The following SORBS3 variants were observed in gnomAD, a reference collection of about 807,000 sequenced individuals.
The protein encoded by SORBS3 is sorbin and SH3 domain containing 3, also known as vinexin.
In SORBS3, 69 loss-of-function variants were observed where a neutral mutation model predicts 98.0. That is an observed-to-expected ratio of 0.70 (90% CI 0.58 to 0.86). The LOEUF (loss-of-function observed/expected upper bound fraction) is 0.86, where lower values mean the gene tolerates loss of function less well. Among genes scored for constraint, SORBS3 ranks in the 40% least tolerant of loss-of-function variants. The pLI is 0.00. For missense variants in SORBS3, 954 were observed against 908.5 expected (o/e 1.05, Z -0.64); for synonymous variants, 394 against 355.4 (o/e 1.11, Z -1.22).
rs543634212 is a variant in SORBS3, at chr8:22,561,432, T to C, written c.517+59T>C. On this transcript the variant is annotated intron_variant, in intron 6 of 20. Coordinates refer to ENST00000240123, the MANE Select transcript of SORBS3 (RefSeq NM_005775.5). The stretch of plus-strand genomic sequence containing the variant: ...CCCTGCGCCTGCGTCCGCCCCTCCC[T>C]GGGGCTGGGACTCGCAGCCCCGCCT... 1.1e-5 allele frequency: 18 copies of C among 1,589,562 alleles called. No individual in the cohort carries two copies. In the East Asian group the frequency reaches 4.0e-4, roughly 36 times the overall value.
chr8:22,565,603 G>A, intron 11 of SORBS3: 2 of 827,192 alleles, frequency 2.4e-6, no homozygotes, highest in East Asian at 3.7e-5. Context: ...CCCGACGACC[G>A]GGCGCCCGCC....
rs749652258 is a variant in SORBS3, at chr8:22,569,302, G to C, written c.1431+29G>C. 8.4e-6 allele frequency: 13 copies of C among 1,550,604 alleles called. No individual in the cohort carries two copies. In the South Asian group the frequency reaches 1.3e-4, roughly 16 times the overall value. ...GGCCAGGCCGGAGACGGAGGGGTGG[G>C]TGGGGGCAGGTGAAGATGTAGGTAA... On this transcript the variant is annotated intron_variant, in intron 17 of 20. Coordinates refer to ENST00000240123, the MANE Select transcript of SORBS3 (RefSeq NM_005775.5).
Position 22,556,712 on chromosome 8 carries a change from C to T in SORBS3, c.221-3C>T. ...CTAATGCTCTCCTGCACGCACCCAA[C>T]AGACCCTGCGTGGTATCAGACCTGG... On this transcript the variant is annotated splice_polypyrimidine_tract_variant and splice_region_variant and intron_variant, in intron 3 of 20. Transcript: ENST00000240123. 1 of 1,613,618 alleles carries T rather than the reference C, an allele frequency of 6.2e-7. No individual in the cohort carries two copies. Among genetic ancestry groups the T allele is most frequent in the East Asian group, 2.2e-5 (1 of 44,882 alleles).
At chr8:22,552,150 C>G in intron 1 of SORBS3, 128 bp downstream of exon 1, 1 of 803,322 alleles carries the variant, frequency 1.2e-6, no homozygotes, top group Non-Finnish European at 1.5e-6. Context: ...TACCTCCCAC[C>G]AGCCCTCATA....
At position 22,554,678 on chromosome 8, in the gene SORBS3, G is replaced by C. The variant is rs1019815407; in HGVS notation, c.102+70G>C. The C allele has an allele frequency of 1.3e-6, 2 of 1,494,506 alleles. No homozygotes were observed. Among genetic ancestry groups the C allele is most frequent in the Admixed American group, 2.0e-5 (1 of 49,850 alleles). The allele number at this position is 1,494,506 out of a possible 1,614,324, so 92.6% of individuals were successfully genotyped here. On this transcript the variant is annotated intron_variant, in intron 2 of 20. Transcript: ENST00000240123. This position sits in a 1 kb window ranked among gnomAD's most constrained non-coding sequence, Gnocchi z 6.5. ...TGGTTGGGACGCTAGCAGGTCAGGTGGGGGCAGGAGGATGAAAGGGATGGA... is the reference window on the plus strand; with the variant it reads ...TGGTTGGGACGCTAGCAGGTCAGGTCGGGGCAGGAGGATGAAAGGGATGGA...
chr8:22,566,321 G>A (rs767765299), intron 12 of SORBS3, 24 bp from the exon 13 acceptor site: 1 of 1,608,968 alleles, frequency 6.2e-7, no homozygotes, highest in African/African-American at 1.3e-5. Flanking sequence ...CAGGCTGGAG[G>A]CTCAGTCTCT....
chr8:22,565,998 G>C (rs1840406810), intron 12 of SORBS3, 126 bp downstream of exon 12: 1 of 680,248 alleles, frequency 1.5e-6, no homozygotes, highest in African/African-American at 1.9e-5. Context: ...GAACCGCAGA[G>C]CCGTGTCCGG....
chr8:22,547,369 TG>T (rs1378550810), upstream of SORBS3, among the ~76,000 whole-genome samples: 1 of 151,636 alleles, frequency 6.6e-6, no homozygotes, highest in African/African-American at 2.4e-5. Context: ...AGAAAGAAAA[TG>T]TAATTTTGAT....
At chr8:22,564,664 C>A in intron 10 of SORBS3, 143 bp downstream of exon 10, 1 of 1,375,268 alleles carries the variant, frequency 7.3e-7, no homozygotes, top group Non-Finnish European at 9.8e-7. Context: ...AATGCCAGCA[C>A]TCAGGACAGT....
Position 22,566,452 on chromosome 8 carries a change from G to C in SORBS3, c.1058G>C (p.Arg353Pro). The change falls in exon 13 of 21, where the codon CGG becomes CCG. Residue 353 changes from arginine (R) to proline (P), a missense_variant. Coordinates refer to ENST00000240123, the MANE Select transcript of SORBS3 (RefSeq NM_005775.5). The stretch of plus-strand genomic sequence containing the variant: ...GATGGAGGAAGCCCCTTCCTAGGTC[G>C]GAGGGACTTTGTCTACCCTTCCTCA... ...MADGGSPFLG[R>P]RDFVYPSSTR... 6.2e-7 allele frequency: 1 copy of C among 1,613,958 alleles called. No homozygotes were observed. Among genetic ancestry groups the C allele is most frequent in the Non-Finnish European group, 8.5e-7 (1 of 1,179,938 alleles).
rs779961365 is a variant in SORBS3 at position 22,554,880 on chromosome 8, T to C, written c.120T>C (p.Asn40=). ...CCCCGCAGGTGCCCGTGATCCGGAATGGTGGCTCCAACACCCTTAATTTCC... is the reference window on the plus strand; with the variant it reads ...CCCCGCAGGTGCCCGTGATCCGGAACGGTGGCTCCAACACCCTTAATTTCC... ...SRGTRVPVIR[N]GGSNTLNFQF... is the part of the protein sequence containing the mutation. The change falls in exon 3 of 21, where the codon AAT becomes AAC. Residue 40 remains asparagine (N), a synonymous_variant. Coordinates refer to ENST00000240123, the MANE Select transcript of SORBS3 (RefSeq NM_005775.5). The surrounding 1 kb of genome is among the most constrained non-coding windows in gnomAD (Gnocchi z 6.5). 5 of 1,504,776 alleles carry C rather than the reference T, an allele frequency of 3.3e-6. No individual in the cohort carries two copies. Among genetic ancestry groups the C allele is most frequent in the Non-Finnish European group, 4.5e-6 (5 of 1,111,792 alleles). 93.2% of individuals were successfully genotyped at this position (1,504,776 alleles called of 1,614,324 possible).
At position 22,562,892 on chromosome 8, in the gene SORBS3, G is replaced by A. The variant is rs1001640451; in HGVS notation, c.584+961G>A. Among the ~76,000 whole-genome samples, 8 of 152,282 alleles carry A rather than the reference G, an allele frequency of 5.3e-5. No individual in the cohort carries two copies. In the East Asian group the frequency reaches 7.7e-4, roughly 15 times the overall value. ...AGCACTTTTGGAGGCTGAGGCGGGC[G>A]GATCACGAGGTCAGGAGATCGAGAC... On this transcript the variant is annotated intron_variant, in intron 7 of 20. Coordinates refer to ENST00000240123, the MANE Select transcript of SORBS3 (RefSeq NM_005775.5).
rs375469119 is a variant in SORBS3 at position 22,558,231 on chromosome 8, G to T, written c.478+39G>T. 1.9e-6 allele frequency: 3 copies of T among 1,593,002 alleles called. No homozygotes were observed. The African/African-American group carries it at 4.0e-5, about 21-fold the overall frequency. On this transcript the variant is annotated intron_variant, in intron 5 of 20. Transcript: ENST00000240123. The stretch of plus-strand genomic sequence containing the variant: ...CCAGGGCCCTCTCCCTGCCAAAGTG[G>T]ATTCTGGCCCCTGGGGCTTGGAGAG...
chr8:22,550,007 A>G, upstream of SORBS3: 1 of 985,436 alleles, frequency 1.0e-6, no homozygotes, highest in South Asian at 4.7e-5. Flanking sequence ...TGGGAGAAGA[A>G]GGAAGAAAGT....
upstream of SORBS3, chr8:22,550,129 G>A (rs1056267540): frequency 4.2e-5 from 23 of 549,830 alleles, no homozygotes; most frequent in Admixed American, 3.8e-4. Flanking sequence ...GCTACCTGGC[G>A]TGGATAAGAA....
Position 22,566,501 on chromosome 8 carries a change from GCT to G in SORBS3, c.1090+22_1090+23del, listed in dbSNP as rs759010441. 1.2e-6 allele frequency: 2 copies of G among 1,610,640 alleles called. No individual in the cohort carries two copies. Among genetic ancestry groups the G allele is most frequent in the South Asian group, 2.2e-5 (2 of 90,802 alleles). On this transcript the variant is annotated intron_variant, in intron 13 of 20. Transcript: ENST00000240123. ...CAACCCGAGGTAAGGACCCAGCCCT[GCT>G]CTCTTTCTCACGGAGATGCCCACCC...
chr8:22,559,192 A>G (rs1288027591), intron 5 of SORBS3, among the ~76,000 whole-genome samples: 1 of 152,198 alleles, frequency 6.6e-6, no homozygotes, highest in Non-Finnish European at 1.5e-5. Flanking sequence ...CCACCTTTAC[A>G]ACTTTGCTTC....
At chr8:22,565,762 G>GGCGGCCTCGGCT in intron 11 of SORBS3, 64 bp from the exon 12 acceptor site, 1 of 1,290,380 alleles carries the variant, frequency 7.7e-7, no homozygotes, top group Non-Finnish European at 9.8e-7. Context: ...TTCCGGAGGC[G>GGCGGCCTCGGCT]GCGGCCTCGG....
In SORBS3 at chr8:22,554,518, AC is replaced by A. The variant is rs771785495; in HGVS notation, c.16del (p.Arg6AlafsTer21). The A allele has an allele frequency of 5.6e-5, 91 of 1,611,584 alleles. No homozygotes were observed. Among genetic ancestry groups the A allele is most frequent in the Non-Finnish European group, 7.4e-5 (87 of 1,179,742 alleles). ...ACCTTGACCCAAGCATGCAGGGCCCACCCCGCAGCCTCCGCGCTGGGCTCAG... is the reference window on the plus strand; with the variant it reads ...ACCTTGACCCAAGCATGCAGGGCCCACCCGCAGCCTCCGCGCTGGGCTCAG... The part of the protein sequence containing the change: MQGP[P>X]RSLRAGLSLD... On this transcript the variant is annotated frameshift_variant, in exon 2 of 21. Coordinates refer to ENST00000240123, the MANE Select transcript of SORBS3 (RefSeq NM_005775.5). LOFTEE classifies it high-confidence loss of function. The surrounding 1 kb of genome is among the most constrained non-coding windows in gnomAD (Gnocchi z 6.5).
Sources: allele counts gnomAD v4.1 joint callset (sites outside exome capture counted in the v4.1 genomes callset), GRCh38; gene constraint gnomAD v4.1.1; non-coding constraint Gnocchi (gnomAD v3.1); transcripts MANE v1.5; gene names NCBI Gene and HGNC (gene_info 2026-07-23, HGNC 2026-07-21).